The following NAT1 variants were observed in gnomAD, a reference collection of about 807,000 sequenced individuals.
NAT1 encodes the protein N-acetyltransferase 1.
For synonymous variants in NAT1, 144 were observed against 122.6 expected (o/e 1.17, Z -1.16); for missense variants, 400 against 339.2 (o/e 1.18, Z -1.41).
chr8:18,214,629 C>T (rs181534130), intron 1 of NAT1, among the ~76,000 whole-genome samples: 1 of 138,108 alleles, frequency 7.2e-6, no homozygotes, highest in Non-Finnish European at 1.5e-5. Context: ...CCAGAATTTT[C>T]TCTTTTGTTT....
At chr8:18,190,415 A>C (rs1718372594) in intron 2 of NAT1, among the ~76,000 whole-genome samples, 1 of 152,256 alleles carries the variant, frequency 6.6e-6, no homozygotes. Context: ...GGCCACACAC[A>C]GTGTGACATC....
At chr8:18,210,957 T>G (rs1425416403) in intron 1 of NAT1, among the ~76,000 whole-genome samples, 1 of 152,092 alleles carries the variant, frequency 6.6e-6, no homozygotes, top group Non-Finnish European at 1.5e-5. Context: ...CTATTTTTAG[T>G]AGAGATGGGG....
rs140978125 is a variant in NAT1, at chr8:18,177,142, A to G, written n.92+6403A>G. ...TTTAGGGTTTTGTATATGTAAGATT[A>G]TATCAACAGACAGTCTCATTTATTC... On this transcript the variant is annotated intron_variant and non_coding_transcript_variant, in intron 2 of 4. Transcript: ENST00000517441. 1.7e-3 allele frequency among the ~76,000 whole-genome samples: 253 copies of G among 152,220 alleles called. 6 individuals carry two copies. In the East Asian group the frequency reaches 0.027, roughly 16 times the overall value.
chr8:18,185,369 C>G (rs568215656), intron 2 of NAT1, among the ~76,000 whole-genome samples: 1 of 152,126 alleles, frequency 6.6e-6, no homozygotes, highest in African/African-American at 2.4e-5. Context: ...TTTCTTGTGA[C>G]AGTTTTATGC....
chr8:18,179,860 T>C (rs1448592771), intron 2 of NAT1, among the ~76,000 whole-genome samples: 1 of 152,186 alleles, frequency 6.6e-6, no homozygotes, highest in Non-Finnish European at 1.5e-5. Context: ...GAAGGCACTG[T>C]TTCTGCCTGC....
At chr8:18,214,025 G>A (rs1804380577) in intron 1 of NAT1, among the ~76,000 whole-genome samples, 1 of 152,068 alleles carries the variant, frequency 6.6e-6, no homozygotes, top group African/African-American at 2.4e-5. Flanking sequence ...GTGTTAGCCA[G>A]GATGGTCTCG....
At chr8:18,181,348 C>A (rs999158331) in intron 2 of NAT1, among the ~76,000 whole-genome samples, 15 of 151,804 alleles carry the variant, frequency 9.9e-5, no homozygotes, top group African/African-American at 3.6e-4. Context: ...CAATCCCTAT[C>A]AAAATAACCA....
At chr8:18,202,421 C>T (rs569269246) in intron 2 of NAT1, among the ~76,000 whole-genome samples, 1 of 152,328 alleles carries the variant, frequency 6.6e-6, no homozygotes, top group South Asian at 2.1e-4. Flanking sequence ...GCTATTGTGT[C>T]CGGAATTTAT....
chr8:18,221,864 G>A, intron 2 of NAT1, 178 bp from the exon 3 acceptor site: 1 of 584,224 alleles, frequency 1.7e-6, no homozygotes, highest in South Asian at 3.0e-5. Flanking sequence ...ACAGGATTCT[G>A]GGACTATTAA....
chr8:18,202,536 C>A (rs111948595), intron 2 of NAT1, among the ~76,000 whole-genome samples: 2 of 152,160 alleles, frequency 1.3e-5, no homozygotes, highest in South Asian at 4.1e-4. Context: ...GTTTGTTCCT[C>A]CAGATGTTCA....
Position 18,213,283 on chromosome 8 carries a change from A to G in NAT1, c.-86+3103A>G, listed in dbSNP as rs188866668. Reference sequence around the variant, plus strand: ...TTTTTCAATGTTTTTTGTCTAAAAAACTTTAGACAGGGAATGCACTCTCCA... The same window carrying G: ...TTTTTCAATGTTTTTTGTCTAAAAAGCTTTAGACAGGGAATGCACTCTCCA... On this transcript the variant is annotated intron_variant, in intron 1 of 2. Transcript: ENST00000307719. Among the ~76,000 whole-genome samples the G allele has an allele frequency of 1.8e-3, 281 of 152,078 alleles. 2 individuals are homozygous for G. The highest frequency in any genetic ancestry group is 6.4e-3 in the African/African-American group (266 of 41,488).
chr8:18,181,698 A>G (rs2117222723), intron 2 of NAT1, among the ~76,000 whole-genome samples: 1 of 152,220 alleles, frequency 6.6e-6, no homozygotes, highest in African/African-American at 2.4e-5. Context: ...ATTTGGTATG[A>G]TGTTAGCTGC....
chr8:18,206,604 A>G (rs1803735391), upstream of NAT1, among the ~76,000 whole-genome samples: 1 of 152,224 alleles, frequency 6.6e-6, no homozygotes, highest in African/African-American at 2.4e-5. Flanking sequence ...TGTTGGCCGC[A>G]TAAATATCTT....
intron 2 of NAT1, among the ~76,000 whole-genome samples, chr8:18,194,945 T>A (rs914256990): frequency 6.6e-6 from 1 of 152,178 alleles, no homozygotes; most frequent in South Asian, 2.1e-4. Context: ...TTCTGTTAGA[T>A]GGATACCTGC....
intron 2 of NAT1, among the ~76,000 whole-genome samples, chr8:18,204,246 C>T (rs922398584): frequency 6.6e-6 from 1 of 152,122 alleles, no homozygotes; most frequent in African/African-American, 2.4e-5. Flanking sequence ...CCTTAACTCA[C>T]CCACATGTAT....
intron 2 of NAT1, among the ~76,000 whole-genome samples, chr8:18,187,440 A>G (rs1802785574): frequency 6.6e-6 from 1 of 152,244 alleles, no homozygotes; most frequent in South Asian, 2.1e-4. Flanking sequence ...AAGACATGGA[A>G]TTAACCTAAA....
intron 2 of NAT1, among the ~76,000 whole-genome samples, chr8:18,173,312 A>G (rs1802167812): frequency 6.6e-6 from 1 of 152,330 alleles, no homozygotes; most frequent in Admixed American, 6.5e-5. Flanking sequence ...GAATGAGTTC[A>G]TACTATCTAG....
At chr8:18,187,417 A>C (rs1039241656) in intron 2 of NAT1, among the ~76,000 whole-genome samples, 1 of 152,226 alleles carries the variant, frequency 6.6e-6, no homozygotes, top group Admixed American at 6.5e-5. Context: ...TTGCAGCACT[A>C]TTCACAATAG....
intron 2 of NAT1, among the ~76,000 whole-genome samples, chr8:18,172,472 A>G (rs1802134582): frequency 6.6e-6 from 1 of 152,110 alleles, no homozygotes; most frequent in Non-Finnish European, 1.5e-5. Context: ...CCTTGCCGCC[A>G]GGCTTGTCAC....
Sources: allele counts gnomAD v4.1 joint callset (sites outside exome capture counted in the v4.1 genomes callset), GRCh38; gene constraint gnomAD v4.1.1; transcripts MANE v1.5; gene names NCBI Gene and HGNC (gene_info 2026-07-23, HGNC 2026-07-21).